The following ZNF804B variants were observed in gnomAD, a reference collection of about 807,000 sequenced individuals.
The protein encoded by ZNF804B is zinc finger 804B.
ZNF804B carries 80 observed loss-of-function variants against 101.4 expected under a neutral mutation model. The observed-to-expected ratio is 0.79, with a 90% confidence interval of 0.66 to 0.95. The LOEUF (loss-of-function observed/expected upper bound fraction) is 0.95, where lower values mean the gene tolerates loss of function less well. ZNF804B is among the 40% of genes least tolerant of loss of function. ZNF804B has a pLI of 0.00. For missense variants in ZNF804B, 1,673 were observed against 1,561.9 expected, an observed-to-expected ratio of 1.07 and a Z score of -1.20; for synonymous variants, 622 against 558.8, an observed-to-expected ratio of 1.11 and a Z score of -1.59.
At chr7:88,898,413 C>T (rs1251199572) in intron 1 of ZNF804B, among the ~76,000 whole-genome samples, 1 of 151,890 alleles carries the variant, frequency 6.6e-6, no homozygotes, top group Non-Finnish European at 1.5e-5. Context: ...GCTTCATCAT[C>T]TTACATTCTC....
intron 1 of ZNF804B, among the ~76,000 whole-genome samples, chr7:89,135,463 G>T (rs2116385441): frequency 6.6e-6 from 1 of 152,076 alleles, no homozygotes; most frequent in South Asian, 2.1e-4. Context: ...GATTTCATGT[G>T]ATTTATCACA....
intron 1 of ZNF804B, among the ~76,000 whole-genome samples, chr7:89,037,311 G>A (rs2027977): frequency 0.3 from 44,993 of 151,714 alleles, 7,015 homozygotes; most frequent in East Asian, 0.52. Context: ...TAGCATAATT[G>A]CTGCTTTTAG....
intron 1 of ZNF804B, among the ~76,000 whole-genome samples, chr7:89,176,388 T>C (rs1183406650): frequency 6.6e-6 from 1 of 152,030 alleles, no homozygotes; most frequent in East Asian, 1.9e-4. Context: ...TGATATGATG[T>C]AGCACATTGA....
At chr7:88,793,689 T>A (rs1351046986) in intron 1 of ZNF804B, among the ~76,000 whole-genome samples, 1 of 152,132 alleles carries the variant, frequency 6.6e-6, no homozygotes, top group African/African-American at 2.4e-5. Flanking sequence ...AATGATATAT[T>A]ATATTACATT....
chr7:89,042,238 AATAAT>A (rs1482478830), intron 1 of ZNF804B, among the ~76,000 whole-genome samples: 1 of 152,184 alleles, frequency 6.6e-6, no homozygotes, highest in Non-Finnish European at 1.5e-5. Flanking sequence ...TTCCTCTAAT[AATAAT>A]ATGAGGGATA....
At chr7:89,280,590 A>G (rs1790076666) in intron 2 of ZNF804B, among the ~76,000 whole-genome samples, 2 of 152,272 alleles carry the variant, frequency 1.3e-5, no homozygotes. Flanking sequence ...CCGATCCCAC[A>G]GAAATACAAA....
intron 1 of ZNF804B, among the ~76,000 whole-genome samples, chr7:88,916,859 G>A (rs1326122932): frequency 6.6e-6 from 1 of 152,122 alleles, no homozygotes. Context: ...GGTTATATAT[G>A]TACTTAAGAG....
At chr7:88,893,808 A>G (rs2115936126) in intron 1 of ZNF804B, among the ~76,000 whole-genome samples, 1 of 152,298 alleles carries the variant, frequency 6.6e-6, no homozygotes, top group East Asian at 1.9e-4. Context: ...TTACATGGCT[A>G]TTTTTAACTT....
intron 2 of ZNF804B, among the ~76,000 whole-genome samples, chr7:89,270,431 G>GT (rs1279493231): frequency 2.0e-5 from 3 of 152,118 alleles, no homozygotes; most frequent in Non-Finnish European, 4.4e-5. Flanking sequence ...CTATATTTCT[G>GT]TTTTGGTACC....
At chr7:89,054,403 G>T (rs1789259600) in intron 1 of ZNF804B, among the ~76,000 whole-genome samples, 1 of 150,760 alleles carries the variant, frequency 6.6e-6, no homozygotes, top group Non-Finnish European at 1.5e-5. Flanking sequence ...AGACATCAGA[G>T]TCGTGCCTGG....
At chr7:88,912,565 T>C (rs1792565757) in intron 1 of ZNF804B, among the ~76,000 whole-genome samples, 1 of 152,152 alleles carries the variant, frequency 6.6e-6, no homozygotes, top group Admixed American at 6.5e-5. Flanking sequence ...ATGTTCGTCT[T>C]GGGTAAACTT....
chr7:88,815,440 T>A (rs987341786), intron 1 of ZNF804B, among the ~76,000 whole-genome samples: 4 of 149,546 alleles, frequency 2.7e-5, no homozygotes, highest in Non-Finnish European at 5.9e-5. Flanking sequence ...ATTATTAGGA[T>A]ATGTATATAA....
intron 1 of ZNF804B, among the ~76,000 whole-genome samples, chr7:89,127,713 A>G (rs928751714): frequency 6.6e-6 from 1 of 151,578 alleles, no homozygotes; most frequent in Non-Finnish European, 1.5e-5. Context: ...TCACATATAA[A>G]TCTGTCTTAA....
intron 1 of ZNF804B, among the ~76,000 whole-genome samples, chr7:88,806,359 T>C (rs1055585119): frequency 1.3e-5 from 2 of 152,180 alleles, no homozygotes; most frequent in African/African-American, 4.8e-5. Context: ...AATTATAATT[T>C]TTATTAAGGA....
chr7:88,839,733 C>T (rs374241240), intron 1 of ZNF804B, among the ~76,000 whole-genome samples: 24 of 143,946 alleles, frequency 1.7e-4, no homozygotes, highest in African/African-American at 5.9e-4. Context: ...GCAGTTTAAC[C>T]GAGAGCAGGT....
intron 2 of ZNF804B, among the ~76,000 whole-genome samples, chr7:89,263,779 G>A (rs1301682716): frequency 6.6e-6 from 1 of 152,118 alleles, no homozygotes; most frequent in Non-Finnish European, 1.5e-5. Context: ...CACAAGCCAA[G>A]GAACTCCATT....
At chr7:89,127,787 A>G (rs1355693078) in intron 1 of ZNF804B, among the ~76,000 whole-genome samples, 2 of 151,638 alleles carry the variant, frequency 1.3e-5, no homozygotes, top group Admixed American at 6.6e-5. Context: ...GCCATTAAGT[A>G]ATGGCAAAAC....
At chr7:88,860,549 A>G (rs1791630387) in intron 1 of ZNF804B, among the ~76,000 whole-genome samples, 1 of 152,096 alleles carries the variant, frequency 6.6e-6, no homozygotes, top group Non-Finnish European at 1.5e-5. Context: ...AAAGCAACTT[A>G]CCCAAGGTTC....
intron 1 of ZNF804B, among the ~76,000 whole-genome samples, chr7:88,959,044 C>G (rs568139331): frequency 1.3e-5 from 2 of 151,378 alleles, no homozygotes; most frequent in Non-Finnish European, 3.0e-5. Context: ...ATTCACCTGC[C>G]TCATGCATTC....
Sources: gnomAD v4.1 joint callset for allele counts (sites outside exome capture counted in the v4.1 genomes callset) on GRCh38, gnomAD v4.1.1 for gene constraint, MANE v1.5 for transcripts, NCBI Gene and HGNC (gene_info 2026-07-23, HGNC 2026-07-21) for gene names.